RIMS2: variants seen among roughly 807,000 people sequenced by gnomAD.
The protein encoded by RIMS2 is regulating synaptic membrane exocytosis 2, also known as regulating synaptic membrane exocytosis protein 2.
In RIMS2, 59 loss-of-function variants were observed where a neutral mutation model predicts 174.4. The ratio of observed to expected loss-of-function variants is 0.34; its 90% CI spans 0.27 to 0.42. The LOEUF (loss-of-function observed/expected upper bound fraction) is 0.42, where lower values mean the gene tolerates loss of function less well. Among genes scored for constraint, RIMS2 ranks in the 10% least tolerant of loss-of-function variants. RIMS2 has a pLI of 1.00. For missense variants in RIMS2, 1,620 were observed against 1,666.3 expected (o/e 0.97, Z 0.48); for synonymous variants, 606 against 572.5 (o/e 1.06, Z -0.84).
chr8:103,715,329 G>A (rs1203683483), intron 2 of RIMS2, among the ~76,000 whole-genome samples: 1 of 151,646 alleles, frequency 6.6e-6, no homozygotes, highest in Non-Finnish European at 1.5e-5. Context: ...AACCCCTACT[G>A]CCTGCCCCCG....
intron 3 of RIMS2, among the ~76,000 whole-genome samples, chr8:103,790,874 G>T (rs961821360): frequency 5.3e-5 from 8 of 151,966 alleles, no homozygotes; most frequent in Non-Finnish European, 1.2e-4. Flanking sequence ...TTAAAGTATG[G>T]TGTTAGGTGA....
intron 19 of RIMS2, among the ~76,000 whole-genome samples, chr8:104,218,841 A>C (rs2099142904): frequency 6.6e-6 from 1 of 152,184 alleles, no homozygotes; most frequent in Non-Finnish European, 1.5e-5. Context: ...TGTGTGGCTC[A>C]GGGTAGGCTG....
At chr8:103,953,369 CA>C (rs983650022) in intron 14 of RIMS2, among the ~76,000 whole-genome samples, 1 of 152,148 alleles carries the variant, frequency 6.6e-6, no homozygotes, top group African/African-American at 2.4e-5. Flanking sequence ...GAGTTACCCA[CA>C]AAGGGAAGCC....
At chr8:104,208,555 G>A (rs2099091315) in intron 19 of RIMS2, among the ~76,000 whole-genome samples, 1 of 147,320 alleles carries the variant, frequency 6.8e-6, no homozygotes, top group African/African-American at 2.5e-5. Flanking sequence ...GTGGCAGAGT[G>A]AGACTCCATC....
At chr8:104,136,498 A>G (rs1210444228) in intron 19 of RIMS2, among the ~76,000 whole-genome samples, 1 of 152,196 alleles carries the variant, frequency 6.6e-6, no homozygotes, top group Non-Finnish European at 1.5e-5. Flanking sequence ...GCCAACCATA[A>G]TATTTGACAT....
chr8:104,209,397 T>C (rs761776817), intron 19 of RIMS2, among the ~76,000 whole-genome samples: 2 of 152,096 alleles, frequency 1.3e-5, no homozygotes, highest in African/African-American at 2.4e-5. Flanking sequence ...TAGGAAGAAG[T>C]TGGTAATAAA....
chr8:103,662,247 T>C (rs1362556254), intron 1 of RIMS2, among the ~76,000 whole-genome samples: 1 of 152,218 alleles, frequency 6.6e-6, no homozygotes, highest in Non-Finnish European at 1.5e-5. Context: ...GTGTAAGCTA[T>C]GTGCCTCTTA....
chr8:103,577,387 C>G (rs569305143), intron 1 of RIMS2, among the ~76,000 whole-genome samples: 1 of 152,032 alleles, frequency 6.6e-6, no homozygotes, highest in Non-Finnish European at 1.5e-5. Flanking sequence ...ACTATTTCAA[C>G]CAAACACTGA....
chr8:103,585,668 A>C (rs1292011574), intron 1 of RIMS2, among the ~76,000 whole-genome samples: 1 of 151,950 alleles, frequency 6.6e-6, no homozygotes, highest in African/African-American at 2.4e-5. Context: ...CATAAGTGGG[A>C]GTTGAACAAT....
intron 14 of RIMS2, among the ~76,000 whole-genome samples, chr8:103,945,567 G>T (rs1018141102): frequency 6.6e-6 from 1 of 151,908 alleles, no homozygotes; most frequent in Admixed American, 6.6e-5. Context: ...GAATCCAACA[G>T]TGTATACAAA....
intron 19 of RIMS2, among the ~76,000 whole-genome samples, chr8:104,103,908 G>A (rs1044052503): frequency 3.3e-5 from 5 of 152,024 alleles, no homozygotes; most frequent in Non-Finnish European, 5.9e-5. Context: ...TCACTATATG[G>A]GACCCTGCAA....
rs59348302 is a variant in RIMS2, at chr8:103,734,014, C to CTTTTTTTTTTTT, written c.388-32199_388-32188dup. On this transcript the variant is annotated intron_variant, in intron 2 of 23. Coordinates refer to ENST00000504942, the Ensembl canonical transcript of RIMS2. ...CTTGCTTTACCTCTCCTAAAAGCTT[C>CTTTTTTTTTTTT]TTTTTTTTTTTTTTTTTTTTTTTTT... is the stretch of plus-strand genomic sequence containing the variant. 3.2e-3 allele frequency among the ~76,000 whole-genome samples: 272 copies of CTTTTTTTTTTTT among 85,728 alleles called. 30 individuals are homozygous for CTTTTTTTTTTTT. Among genetic ancestry groups the CTTTTTTTTTTTT allele is most frequent in the African/African-American group, 0.014 (253 of 18,578 alleles). The allele number at this position is 85,728 out of a possible 152,430, so 56.2% of individuals were successfully genotyped here. A position where few individuals can be genotyped will look rare whatever the true frequency, so the allele number is the denominator to read the frequency against.
At chr8:103,575,270 TAA>T (rs2093130493) in intron 1 of RIMS2, among the ~76,000 whole-genome samples, 1 of 152,160 alleles carries the variant, frequency 6.6e-6, no homozygotes, top group African/African-American at 2.4e-5. Flanking sequence ...TAGAGTGGCT[TAA>T]AAAAGAGACA....
chr8:103,623,613 T>G (rs900153785), intron 1 of RIMS2, among the ~76,000 whole-genome samples: 2 of 149,842 alleles, frequency 1.3e-5, no homozygotes, highest in Non-Finnish European at 3.0e-5. Flanking sequence ...GCCTCCCGAG[T>G]AGCTGGGACT....
chr8:104,080,721 GT>G (rs1290087983), intron 19 of RIMS2, among the ~76,000 whole-genome samples: 1 of 151,944 alleles, frequency 6.6e-6, no homozygotes, highest in East Asian at 1.9e-4. Context: ...TAATGGCTTT[GT>G]TCATCAGCAC....
intron 3 of RIMS2, among the ~76,000 whole-genome samples, chr8:103,829,134 T>C: frequency 6.6e-6 from 1 of 151,882 alleles, no homozygotes; most frequent in Admixed American, 6.6e-5. Flanking sequence ...TGTTGGTAGT[T>C]TAAAAAATGT....
At chr8:103,717,398 CTG>C (rs1490851533) in intron 2 of RIMS2, among the ~76,000 whole-genome samples, 1 of 151,698 alleles carries the variant, frequency 6.6e-6, no homozygotes, top group Non-Finnish European at 1.5e-5. Context: ...ATGTCCCAGA[CTG>C]TGCGTCATCC....
At chr8:103,552,510 A>C (rs1848480009) in intron 1 of RIMS2, among the ~76,000 whole-genome samples, 1 of 152,230 alleles carries the variant, frequency 6.6e-6, no homozygotes, top group Non-Finnish European at 1.5e-5. Context: ...AAGAAAACCT[A>C]GGCAATAGCA....
chr8:104,159,182 G>A (rs770233777), intron 19 of RIMS2, among the ~76,000 whole-genome samples: 28 of 152,196 alleles, frequency 1.8e-4, no homozygotes, highest in Admixed American at 3.3e-4. Context: ...TTTTTGTCAG[G>A]TTTGTCAAAG....
Sources: gnomAD v4.1 joint callset for allele counts (sites outside exome capture counted in the v4.1 genomes callset) on GRCh38, gnomAD v4.1.1 for gene constraint, MANE v1.5 for transcripts, NCBI Gene and HGNC (gene_info 2026-07-23, HGNC 2026-07-21) for gene names.